RBFOX3: variants seen among roughly 807,000 people sequenced by gnomAD.
RBFOX3 encodes the protein RNA binding fox-1 homolog 3.
In RBFOX3, 17 loss-of-function variants were observed where a neutral mutation model predicts 48.7. The ratio of observed to expected loss-of-function variants is 0.35; its 90% CI spans 0.24 to 0.52. The LOEUF (loss-of-function observed/expected upper bound fraction) is 0.52. Among genes scored for constraint, RBFOX3 ranks in the 20% least tolerant of loss-of-function variants. RBFOX3 has a pLI of 0.94. For missense variants in RBFOX3, 382 were observed against 497.5 expected, an observed-to-expected ratio of 0.77 and a Z score of 2.21; for synonymous variants, 212 against 209.5, an observed-to-expected ratio of 1.01 and a Z score of -0.10.
At chr17:79,619,310 C>A in the RBFOX3 span, among the ~76,000 whole-genome samples, 4 of 152,206 alleles carry the variant, frequency 2.6e-5, no homozygotes, top group Admixed American at 6.5e-5. Context: ...GAAACTTATT[C>A]TCTCACAGTT....
At chr17:79,526,161 G>C (rs2086766390) in intron 1 of RBFOX3, among the ~76,000 whole-genome samples, 1 of 152,234 alleles carries the variant, frequency 6.6e-6, no homozygotes, top group Non-Finnish European at 1.5e-5. Flanking sequence ...CCCTCAGGGA[G>C]AGCTAGCAAG....
At position 79,103,960 on chromosome 17, in the gene RBFOX3, G is replaced by C. The variant is rs1056471344; in HGVS notation, c.414+113C>G. ...AGCGGGGAATACAAGCACCCGTGTC[G>C]CTCAGGGGTCCTCGGGCGCGAAGCT... On this transcript the variant is annotated intron_variant, in intron 7 of 14. Coordinates refer to ENST00000693108, the MANE Select transcript of RBFOX3 (RefSeq NM_001350451.2). The surrounding 1 kb of genome is among the most constrained non-coding windows in gnomAD (Gnocchi z 6.1). 1 of 868,166 alleles carries C rather than the reference G, an allele frequency of 1.2e-6. No individual in the cohort carries two copies. Among genetic ancestry groups the C allele is most frequent in the East Asian group, 2.7e-5 (1 of 37,724 alleles). 53.8% of individuals were successfully genotyped at this position (868,166 alleles called of 1,614,324 possible). A position where few individuals can be genotyped will look rare whatever the true frequency, so the allele number is the denominator to read the frequency against.
chr17:79,393,019 T>C (rs12601898), intron 2 of RBFOX3, among the ~76,000 whole-genome samples: 104,288 of 152,134 alleles, frequency 0.69, 35,843 homozygotes, highest in Middle Eastern at 0.75. Flanking sequence ...TGCATCGTGA[T>C]GGAGACCAAA....
chr17:79,143,369 G>A (rs1475923638), intron 4 of RBFOX3, among the ~76,000 whole-genome samples: 1 of 119,966 alleles, frequency 8.3e-6, no homozygotes, highest in Non-Finnish European at 2.0e-5. Flanking sequence ...CCTTGTTGGT[G>A]GAGCGGGGGG....
intron 1 of RBFOX3, among the ~76,000 whole-genome samples, chr17:79,565,404 A>G (rs1372000869): frequency 1.3e-5 from 2 of 150,456 alleles, no homozygotes; most frequent in Admixed American, 1.3e-4. Flanking sequence ...CAACAGCATG[A>G]TCTCAGCTCA....
rs148310670 is a variant in RBFOX3, at chr17:79,155,246, C to T, written c.-33-39498G>A. 3.1e-3 allele frequency among the ~76,000 whole-genome samples: 475 copies of T among 152,304 alleles called. 1 individual carries two copies. The highest frequency in any genetic ancestry group is 0.011 in the African/African-American group (441 of 41,584). On this transcript the variant is annotated intron_variant, in intron 4 of 14. Coordinates refer to ENST00000693108, the MANE Select transcript of RBFOX3 (RefSeq NM_001350451.2). ...CAAGGTGGGGGTGTGGCTGCCAGGG[C>T]GCTGCTCAGAACCCGCCCCACACCC...
chr17:79,169,504 C>T (rs1272464802), intron 4 of RBFOX3, among the ~76,000 whole-genome samples: 1 of 152,222 alleles, frequency 6.6e-6, no homozygotes, highest in Non-Finnish European at 1.5e-5. Context: ...GACCCAGGAC[C>T]CCGCCTGCCT....
chr17:79,201,794 T>G (rs1198130118), intron 4 of RBFOX3, among the ~76,000 whole-genome samples: 1 of 152,130 alleles, frequency 6.6e-6, no homozygotes, highest in Non-Finnish European at 1.5e-5. Context: ...ACGTGCTTTC[T>G]CTCCTCCACA....
At chr17:79,332,836 G>T (rs914498771) in intron 2 of RBFOX3, among the ~76,000 whole-genome samples, 3 of 151,604 alleles carry the variant, frequency 2.0e-5, no homozygotes, top group Admixed American at 6.6e-5. Context: ...TAGAGAAAGA[G>T]AGAGAGATGG....
Position 79,204,497 on chromosome 17 carries a change from C to T in RBFOX3, c.-34+31269G>A, listed in dbSNP as rs771477134. On this transcript the variant is annotated intron_variant, in intron 4 of 14. Coordinates refer to ENST00000693108, the MANE Select transcript of RBFOX3 (RefSeq NM_001350451.2). The surrounding 1 kb of genome is among the most constrained non-coding windows in gnomAD (Gnocchi z 4.5). The stretch of plus-strand genomic sequence containing the variant: ...CCTTGAAGCGCACACATACCGACAG[C>T]ATTCAGTCAACGAGGTCGACGCGCT... Among the ~76,000 whole-genome samples the T allele has an allele frequency of 2.6e-5, 4 of 152,300 alleles. No homozygotes were observed. The highest frequency in any genetic ancestry group is 4.4e-5 in the Non-Finnish European group (3 of 68,026).
the RBFOX3 span, among the ~76,000 whole-genome samples, chr17:79,645,711 C>T: frequency 6.6e-6 from 1 of 152,212 alleles, no homozygotes; most frequent in South Asian, 2.1e-4. Flanking sequence ...TGGACCGCAG[C>T]GGCCTCCTTC....
chr17:79,209,070 C>T (rs1394034014), intron 4 of RBFOX3, among the ~76,000 whole-genome samples: 2 of 152,200 alleles, frequency 1.3e-5, no homozygotes, highest in East Asian at 1.9e-4. Context: ...CCGCCTGCCT[C>T]GGCCTCCCAA....
Position 79,115,500 on chromosome 17 carries a change from T to A in RBFOX3, c.216A>T (p.Thr72=), listed in dbSNP as rs2033662895. ...ASTQPIAGTQ[T]VPQTDEAAQT... Reference sequence around the variant, plus strand: ...GGGTCGTGGGGGCCCTTACCGGCACTGTCTGGGTCCCGGCGATGGGCTGTG... The same window carrying A: ...GGGTCGTGGGGGCCCTTACCGGCACAGTCTGGGTCCCGGCGATGGGCTGTG... Residue 72 remains threonine, a synonymous_variant, in exon 5 of 15, where the codon ACA becomes ACT. Transcript: ENST00000693108. The A allele has an allele frequency of 7.5e-7, 1 of 1,329,006 alleles. No homozygotes were observed. The allele number at this position is 1,329,006 out of a possible 1,614,324, so 82.3% of individuals were successfully genotyped here. A position where few individuals can be genotyped will look rare whatever the true frequency, so the allele number is the denominator to read the frequency against.
chr17:79,182,946 A>G (rs1490042217), intron 4 of RBFOX3, among the ~76,000 whole-genome samples: 3 of 141,204 alleles, frequency 2.1e-5, no homozygotes, highest in Non-Finnish European at 3.1e-5. Flanking sequence ...GGCGCCGAGA[A>G]CCCCCGCCCC....
intron 4 of RBFOX3, among the ~76,000 whole-genome samples, chr17:79,174,495 C>G (rs940320646): frequency 1.3e-5 from 2 of 151,938 alleles, no homozygotes; most frequent in Admixed American, 6.6e-5. Flanking sequence ...CATACTGACA[C>G]ATGTCCACAA....
In RBFOX3 at chr17:79,473,456, A is replaced by G. The variant is rs370460113; in HGVS notation, c.-175+8998T>C. On this transcript the variant is annotated intron_variant, in intron 2 of 14. Coordinates refer to ENST00000693108, the MANE Select transcript of RBFOX3 (RefSeq NM_001350451.2). This position sits in a 1 kb window ranked among gnomAD's most constrained non-coding sequence, Gnocchi z 4.2. ...ACCTCGGGTAAGATAACCTGCTCAC[A>G]TGTGTCATTCAGGGACGTCAGCCTG... Among the ~76,000 whole-genome samples, 261 of 152,334 alleles carry G rather than the reference A, an allele frequency of 1.7e-3. 1 individual carries two copies. Among genetic ancestry groups the G allele is most frequent in the Non-Finnish European group, 3.3e-3 (223 of 68,024 alleles).
chr17:79,280,231 A>G (rs1383483422), intron 3 of RBFOX3, among the ~76,000 whole-genome samples: 1 of 51,658 alleles, frequency 1.9e-5, no homozygotes, highest in Non-Finnish European at 3.6e-5. Flanking sequence ...ACACACACGC[A>G]CACATGCACA....
At chr17:79,537,925 C>T (rs1256802914) in intron 1 of RBFOX3, among the ~76,000 whole-genome samples, 1 of 152,150 alleles carries the variant, frequency 6.6e-6, no homozygotes, top group African/African-American at 2.4e-5. Context: ...AGGCCCAAGG[C>T]ATGTCCACAC....
Position 79,286,154 on chromosome 17 carries a change from C to T in RBFOX3, c.-74+21570G>A, listed in dbSNP as rs1422674001. ...AATAAATGTCCCTGGCCTGCCTCTC[C>T]GAGCCCTTGTGAGGACCCTCTGACG... is the stretch of plus-strand genomic sequence containing the variant. On this transcript the variant is annotated intron_variant, in intron 3 of 14. Coordinates refer to ENST00000693108, the MANE Select transcript of RBFOX3 (RefSeq NM_001350451.2). 6.6e-5 allele frequency among the ~76,000 whole-genome samples: 10 copies of T among 152,286 alleles called. No individual in the cohort carries two copies. In the East Asian group the frequency reaches 9.7e-4, roughly 15 times the overall value.
Sources: gnomAD v4.1 joint callset for allele counts (sites outside exome capture counted in the v4.1 genomes callset) on GRCh38, gnomAD v4.1.1 for gene constraint, Gnocchi (gnomAD v3.1) non-coding constraint, MANE v1.5 for transcripts, NCBI Gene and HGNC (gene_info 2026-07-23, HGNC 2026-07-21) for gene names.